The following IL1RAPL1 variants were observed in gnomAD, a reference collection of about 807,000 sequenced individuals.
The protein encoded by IL1RAPL1 is interleukin-1 receptor accessory protein-like 1.
IL1RAPL1 carries 3 observed loss-of-function variants against 48.4 expected under a neutral mutation model. The ratio of observed to expected loss-of-function variants is 0.06; its 90% CI spans 0.03 to 0.16. The LOEUF (loss-of-function observed/expected upper bound fraction) is 0.16. Ranked by LOEUF, IL1RAPL1 falls within the 10% of genes least tolerant of loss-of-function variation. IL1RAPL1 has a pLI of 1.00. For missense variants in IL1RAPL1, 349 were observed against 530.6 expected, an observed-to-expected ratio of 0.66 and a Z score of 3.36; for synonymous variants, 185 against 187.7, an observed-to-expected ratio of 0.99 and a Z score of 0.12.
intron 6 of IL1RAPL1, among the ~76,000 whole-genome samples, chrX:29,786,402 G>C (rs1201090723): frequency 9.0e-6 from 1 of 111,075 alleles, no homozygotes; most frequent in Non-Finnish European, 1.9e-5. Flanking sequence ...AAAAGACAGA[G>C]GGTGACAGAG....
chrX:29,918,526 A>T (rs866918256), intron 7 of IL1RAPL1, among the ~76,000 whole-genome samples: 25 of 106,988 alleles, frequency 2.3e-4, no homozygotes, highest in East Asian at 8.7e-4. Context: ...AAAAAAAAAA[A>T]TTTTCACAGG....
intron 2 of IL1RAPL1, among the ~76,000 whole-genome samples, chrX:28,814,341 T>TTGTGTGTGTG (rs753090480): frequency 5.4e-3 from 482 of 89,714 alleles, no homozygotes; most frequent in East Asian, 7.5e-3. Flanking sequence ...ATTTTCAGGT[T>TTGTGTGTGTG]TGTGTGTGTG....
At chrX:29,626,488 A>G (rs991576552) in intron 5 of IL1RAPL1, among the ~76,000 whole-genome samples, 3 of 112,374 alleles carry the variant, frequency 2.7e-5, no homozygotes, top group Non-Finnish European at 5.6e-5. Context: ...CTGAATTAAT[A>G]TAAGTCCATT....
chrX:29,693,056 G>A (rs1203823426), intron 6 of IL1RAPL1, among the ~76,000 whole-genome samples: 1 of 112,137 alleles, frequency 8.9e-6, no homozygotes, highest in African/African-American at 3.2e-5. Flanking sequence ...TGGGTCTGGT[G>A]TCCTGCAGTG....
chrX:29,769,914 C>T (rs1241453192), intron 6 of IL1RAPL1, among the ~76,000 whole-genome samples: 1 of 110,637 alleles, frequency 9.0e-6, no homozygotes, highest in African/African-American at 3.3e-5. Flanking sequence ...CATGCCTGGC[C>T]GCCAAACAGT....
intron 6 of IL1RAPL1, among the ~76,000 whole-genome samples, chrX:29,802,797 A>ATATG (rs1929973361): frequency 1.2e-4 from 7 of 58,320 alleles, no homozygotes; most frequent in African/African-American, 3.3e-4. Context: ...GTGTGTATAT[A>ATATG]TATATATATA....
At chrX:29,659,569 A>G (rs771382913) in intron 5 of IL1RAPL1, among the ~76,000 whole-genome samples, 9 of 112,159 alleles carry the variant, frequency 8.0e-5, no homozygotes, top group African/African-American at 2.3e-4. Context: ...TTTTGATAAT[A>G]AATAGCATTT....
At chrX:29,871,074 T>G (rs1242272005) in intron 6 of IL1RAPL1, among the ~76,000 whole-genome samples, 1 of 112,180 alleles carries the variant, frequency 8.9e-6, no homozygotes, top group Admixed American at 9.4e-5. Context: ...TTCTAAATTT[T>G]AGAGGCTGCC....
chrX:29,240,214 ATATATATATATTTTT>A (rs1435916889), intron 2 of IL1RAPL1, among the ~76,000 whole-genome samples: 1 of 25,706 alleles, frequency 3.9e-5, no homozygotes, highest in Admixed American at 5.1e-4. Flanking sequence ...ATATATATAT[ATATATATATATTTTT>A]TTTTTTTTTT....
intron 6 of IL1RAPL1, among the ~76,000 whole-genome samples, chrX:29,695,814 G>T (rs973745027): frequency 6.3e-5 from 7 of 111,112 alleles, no homozygotes; most frequent in Admixed American, 2.9e-4. Flanking sequence ...ATGGGGTACC[G>T]AGAGCAGCAT....
chrX:29,501,539 C>T (rs186017373), intron 5 of IL1RAPL1, among the ~76,000 whole-genome samples: 72 of 111,061 alleles, frequency 6.5e-4, no homozygotes, highest in African/African-American at 2.1e-3. Flanking sequence ...ATTGGTTATC[C>T]GGTTTTCCCA....
rs772408943 is a variant in IL1RAPL1, at chrX:28,649,374, G to T, written c.-25+61327G>T. On this transcript the variant is annotated intron_variant, in intron 1 of 10. Coordinates refer to ENST00000378993, the MANE Select transcript of IL1RAPL1 (RefSeq NM_014271.4). The stretch of plus-strand genomic sequence containing the variant: ...CAGTTTCTTTCACCTCCACTGAAAG[G>T]TGTGAGTCCAGAAAACGAGAACAAA... Among the ~76,000 whole-genome samples the T allele has an allele frequency of 4.5e-5, 5 of 112,106 alleles. No homozygotes were observed. The South Asian group carries it at 1.9e-3, about 42-fold the overall frequency.
At chrX:28,932,506 T>C (rs1368689386) in intron 2 of IL1RAPL1, among the ~76,000 whole-genome samples, 3 of 111,697 alleles carry the variant, frequency 2.7e-5, no homozygotes, top group Non-Finnish European at 3.8e-5. Context: ...CAAATTCAAG[T>C]ACTAGCGTTT....
At chrX:29,659,369 T>G (rs935115075) in intron 5 of IL1RAPL1, among the ~76,000 whole-genome samples, 2 of 112,091 alleles carry the variant, frequency 1.8e-5, no homozygotes, top group Non-Finnish European at 3.8e-5. Context: ...TTGCTGCAAA[T>G]GACAGATTTT....
In IL1RAPL1 at chrX:29,743,659, A is replaced by G. The variant is rs12388687; in HGVS notation, c.778+75155A>G. Among the ~76,000 whole-genome samples, 457 of 110,759 alleles carry G rather than the reference A, an allele frequency of 4.1e-3. 3 individuals carry two copies. The highest frequency in any genetic ancestry group is 0.014 in the African/African-American group (431 of 30,450). On this transcript the variant is annotated intron_variant, in intron 6 of 10. Coordinates refer to ENST00000378993, the MANE Select transcript of IL1RAPL1 (RefSeq NM_014271.4). ...ACCACCATGCCCAGCTAACTTTTGT[A>G]TTTTTAGTACAGACGGGGTTTCACC...
intron 9 of IL1RAPL1, among the ~76,000 whole-genome samples, chrX:29,942,861 TCCC>T (rs1317490134): frequency 9.1e-6 from 1 of 110,379 alleles, no homozygotes; most frequent in Non-Finnish European, 1.9e-5. Context: ...CCTCAGGTGA[TCCC>T]CCCATCTCGG....
chrX:29,403,162 TTC>T (rs1187823973), intron 5 of IL1RAPL1, among the ~76,000 whole-genome samples: 1 of 112,682 alleles, frequency 8.9e-6, no homozygotes, highest in Non-Finnish European at 1.9e-5. Context: ...TATATGTCTG[TTC>T]TCCCACATTT....
chrX:28,789,095 A>G (rs1936505815), intron 1 of IL1RAPL1, among the ~76,000 whole-genome samples: 1 of 111,706 alleles, frequency 9.0e-6, no homozygotes, highest in Non-Finnish European at 1.9e-5. Context: ...ATTTTAAAGC[A>G]TTTTGGGGGT....
chrX:28,897,377 C>G (rs918019121), intron 2 of IL1RAPL1, among the ~76,000 whole-genome samples: 2 of 111,762 alleles, frequency 1.8e-5, no homozygotes, highest in Admixed American at 1.9e-4. Flanking sequence ...TCTTCCCGAG[C>G]CCGTGACCAG....
Sources: gnomAD v4.1 joint callset for allele counts (sites outside exome capture counted in the v4.1 genomes callset) on GRCh38, gnomAD v4.1.1 for gene constraint, MANE v1.5 for transcripts, NCBI Gene and HGNC (gene_info 2026-07-23, HGNC 2026-07-21) for gene names.